SYNC: variants seen among roughly 807,000 people sequenced by gnomAD.
SYNC encodes the protein syncoilin.
A neutral mutation model predicts 49.5 loss-of-function variants in SYNC; 38 were observed. The ratio of observed to expected loss-of-function variants is 0.77; its 90% confidence interval spans 0.59 to 1.01. SYNC has a LOEUF of 1.01. Ranked by LOEUF, SYNC falls within the 50% of genes least tolerant of loss-of-function variation. The pLI is 0.00. For synonymous variants in SYNC, 201 were observed against 230.8 expected, an observed-to-expected ratio of 0.87 and a Z score of 1.17; for missense variants, 579 against 580.6, an observed-to-expected ratio of 1.00 and a Z score of 0.03.
intron 4 of SYNC, 28 bp downstream of exon 4, chr1:32,683,982 A>G (rs763289040): frequency 6.2e-7 from 1 of 1,606,386 alleles, no homozygotes; most frequent in East Asian, 2.2e-5. Flanking sequence ...AACAATGCAA[A>G]CACCACTCTT....
At chr1:32,690,080 C>G (rs1468792567) in intron 2 of SYNC, among the ~76,000 whole-genome samples, 1 of 152,098 alleles carries the variant, frequency 6.6e-6, no homozygotes, top group Non-Finnish European at 1.5e-5. Flanking sequence ...AGCTATTATA[C>G]TACCAAGAGT....
chr1:32,696,045 C>T lies in SYNC; in HGVS notation c.54-1G>A. ...AGAATTGGCCTCTACTCTTGTTTTCCTGCAAAAGAAATGATTGAAAGTGAA... is the reference window on the plus strand; with the variant it reads ...AGAATTGGCCTCTACTCTTGTTTTCTTGCAAAAGAAATGATTGAAAGTGAA... On this transcript the variant is annotated splice_acceptor_variant, in intron 1 of 4. Coordinates refer to ENST00000409190, the MANE Select transcript of SYNC (RefSeq NM_030786.3). LOFTEE classifies it high-confidence loss of function. 3.3e-6 allele frequency: 5 copies of T among 1,532,620 alleles called. No individual in the cohort carries two copies. The highest frequency in any genetic ancestry group is 4.4e-6 in the Non-Finnish European group (5 of 1,144,456). 94.9% of individuals were successfully genotyped at this position (1,532,620 alleles called of 1,614,324 possible).
chr1:32,688,444 CT>C (rs1221583341), intron 2 of SYNC, among the ~76,000 whole-genome samples: 1 of 152,178 alleles, frequency 6.6e-6, no homozygotes, highest in African/African-American at 2.4e-5. Flanking sequence ...AGGACAGTGC[CT>C]TATCACTACA....
intron 4 of SYNC, chr1:32,682,129 CGTT>C (rs1414229650): frequency 2.3e-6 from 1 of 443,832 alleles, no homozygotes; most frequent in Non-Finnish European, 4.1e-6. Flanking sequence ...TTGGATTAGT[CGTT>C]GTCTTTTCCA....
intron 1 of SYNC, among the ~76,000 whole-genome samples, chr1:32,698,211 T>C (rs1441054071): frequency 5.6e-5 from 2 of 35,758 alleles, no homozygotes; most frequent in Non-Finnish European, 1.1e-4. Context: ...CGGGACTCCA[T>C]CTCAAAAAAA....
At chr1:32,684,213 C>T in intron 3 of SYNC, 45 bp downstream of exon 3, 1 of 1,610,660 alleles carries the variant, frequency 6.2e-7, no homozygotes, top group Non-Finnish European at 8.5e-7. Context: ...CCCACCATCC[C>T]CTCAGCCAGT....
intron 1 of SYNC, among the ~76,000 whole-genome samples, chr1:32,701,641 C>T (rs749496116): frequency 7.9e-5 from 12 of 152,178 alleles, no homozygotes; most frequent in East Asian, 1.9e-4. Context: ...CTCACACAGC[C>T]GCCTCTTTTA....
At chr1:32,686,982 A>G (rs1649871778) in intron 2 of SYNC, among the ~76,000 whole-genome samples, 1 of 152,146 alleles carries the variant, frequency 6.6e-6, no homozygotes, top group Admixed American at 6.6e-5. Flanking sequence ...TGCTTTATAT[A>G]TTGCATTCTA....
Position 32,695,336 on chromosome 1 carries a change from C to G in SYNC, c.762G>C (p.Val254=). Residue 254 remains valine (V), a synonymous_variant, in exon 2 of 5, where the codon GTG becomes GTC. Coordinates refer to ENST00000409190, the MANE Select transcript of SYNC (RefSeq NM_030786.3). Reference sequence around the variant, plus strand: ...GGCACTCCAGCTGGTATTGGTAGGCCACACATTCCTTTGTCACTTTGAAAA... The same window carrying G: ...GGCACTCCAGCTGGTATTGGTAGGCGACACATTCCTTTGTCACTTTGAAAA... ...QKLFKVTKEC[V]AYQYQLECRQ... is the part of the protein sequence containing the mutation. The G allele has an allele frequency of 6.4e-7, 1 of 1,551,670 alleles. No individual in the cohort carries two copies. The highest frequency in any genetic ancestry group is 1.2e-5 in the South Asian group (1 of 84,048).
At chr1:32,684,502 G>T in intron 2 of SYNC, 120 bp from the exon 3 acceptor site, 1 of 1,407,664 alleles carries the variant, frequency 7.1e-7, no homozygotes, top group South Asian at 1.3e-5. Context: ...TATTGAGGCT[G>T]GTATTTATAT....
At chr1:32,694,707 CTGAA>C (rs962909824) in intron 2 of SYNC, among the ~76,000 whole-genome samples, 154 bp downstream of exon 2, 3 of 151,974 alleles carry the variant, frequency 2.0e-5, no homozygotes, top group East Asian at 1.9e-4. Flanking sequence ...TAGCATGGGC[CTGAA>C]TGAATGAAGA....
At chr1:32,686,063 G>GGT (rs1251484748) in intron 2 of SYNC, 1 of 152,156 alleles carries the variant, frequency 6.6e-6, no homozygotes, top group Non-Finnish European at 1.5e-5. Flanking sequence ...TTTGAAATAT[G>GGT]ACTAGTCTCA....
At chr1:32,685,405 G>A (rs1649754902) in intron 2 of SYNC, 1 of 152,248 alleles carries the variant, frequency 6.6e-6, no homozygotes. Flanking sequence ...AGGGAGTTGG[G>A]AAGAGAGGAA....
chr1:32,698,744 T>G (rs1426454728), intron 1 of SYNC, among the ~76,000 whole-genome samples: 2 of 152,040 alleles, frequency 1.3e-5, no homozygotes, highest in Middle Eastern at 3.4e-3. Context: ...CAAATGCAAA[T>G]AGCTTTGGTC....
chr1:32,694,903 CA>C lies in SYNC; in HGVS notation c.1194del (p.Val399Ter), dbSNP rs768312985. ...QNRNLEDQIA[L>X]VRQKRDEEVQ... is the part of the protein sequence containing the mutation. ...ACCTCTTCATCTCGTTTTTGCCTCA[CA>C]AGTGCGATCTGGTCCTCCAGGTTCC... On this transcript the variant is annotated frameshift_variant, in exon 2 of 5. Transcript: ENST00000409190. LOFTEE classifies it high-confidence loss of function. The C allele has an allele frequency of 6.2e-6, 10 of 1,611,212 alleles. No individual in the cohort carries two copies. In the African/African-American group the frequency reaches 1.1e-4, roughly 17 times the overall value.
Position 32,680,405 on chromosome 1 carries a change from T to C in SYNC, c.*1445A>G, listed in dbSNP as rs1338875534. 1.6e-6 allele frequency: 2 copies of C among 1,286,684 alleles called. No homozygotes were observed. Among genetic ancestry groups the C allele is most frequent in the Non-Finnish European group, 2.0e-6 (2 of 1,009,794 alleles). 79.7% of individuals were successfully genotyped at this position (1,286,684 alleles called of 1,614,324 possible). A position where few individuals can be genotyped will look rare whatever the true frequency, so the allele number is the denominator to read the frequency against. ...TTGGGACCACCAAGTTGTAAAGATG[T>C]ATGTTTTTACCTGACAGTTATACCA... On this transcript the variant is annotated 3_prime_UTR_variant, in exon 5 of 5. Transcript: ENST00000409190.
chr1:32,680,612 T>C lies in SYNC; in HGVS notation c.*1238A>G. On this transcript the variant is annotated 3_prime_UTR_variant, in exon 5 of 5. Coordinates refer to ENST00000409190, the MANE Select transcript of SYNC (RefSeq NM_030786.3). The stretch of plus-strand genomic sequence containing the variant: ...AGGCCTGTTACTCTCCATGACTAAC[T>C]GTGTAAGTGCTTAAAATGGAATAAA... 2 of 1,323,826 alleles carry C rather than the reference T, an allele frequency of 1.5e-6. No individual in the cohort carries two copies. The highest frequency in any genetic ancestry group is 1.0e-6 in the Non-Finnish European group (1 of 965,030). 82.0% of individuals were successfully genotyped at this position (1,323,826 alleles called of 1,614,324 possible).
intron 2 of SYNC, among the ~76,000 whole-genome samples, chr1:32,687,833 AATTATT>A (rs148661520): frequency 1.0e-4 from 4 of 38,236 alleles, no homozygotes; most frequent in African/African-American, 1.8e-4. Context: ...CTGCCCAGTG[AATTATT>A]ATTATTATTA....
chr1:32,684,428 AACTC>A (rs1336560499), intron 2 of SYNC, 46 bp from the exon 3 acceptor site: 3 of 1,612,814 alleles, frequency 1.9e-6, no homozygotes, highest in Non-Finnish European at 1.7e-6. Context: ...AAACAATAAA[AACTC>A]ACATTGTCCA....
Sources: allele counts gnomAD v4.1 joint callset (sites outside exome capture counted in the v4.1 genomes callset), GRCh38; gene constraint gnomAD v4.1.1; transcripts MANE v1.5; gene names NCBI Gene and HGNC (gene_info 2026-07-23, HGNC 2026-07-21).